The following SSBP2 variants were observed in gnomAD, a reference collection of about 807,000 sequenced individuals.
SSBP2 encodes single-stranded DNA-binding protein 2.
Under a neutral mutation model 61.8 loss-of-function variants are expected in SSBP2, and 17 were observed. The ratio of observed to expected loss-of-function variants is 0.28; its 90% confidence interval spans 0.19 to 0.41. SSBP2 has a LOEUF of 0.41. SSBP2 is among the 10% of genes least tolerant of loss of function. The probability of loss-of-function intolerance (pLI) is 1.00; values close to 1 mark genes in which losing one functional copy is unlikely to be tolerated. For missense variants in SSBP2, 310 were observed against 458.7 expected (o/e 0.68, Z 2.96); for synonymous variants, 139 against 141.3 (o/e 0.98, Z 0.12).
At chr5:81,629,351 G>A (rs1418480671) in intron 3 of SSBP2, among the ~76,000 whole-genome samples, 1 of 152,142 alleles carries the variant, frequency 6.6e-6, no homozygotes, top group African/African-American at 2.4e-5. Context: ...ATCACATCAG[G>A]GACCTGGTTT....
At chr5:81,625,634 T>C (rs1329952233) in intron 3 of SSBP2, among the ~76,000 whole-genome samples, 2 of 152,150 alleles carry the variant, frequency 1.3e-5, no homozygotes, top group Non-Finnish European at 2.9e-5. Flanking sequence ...CTTCCCCTCA[T>C]AAATCAAGAG....
intron 4 of SSBP2, among the ~76,000 whole-genome samples, chr5:81,593,799 T>G (rs1029254033): frequency 5.9e-5 from 9 of 152,134 alleles, no homozygotes; most frequent in South Asian, 2.1e-4. Context: ...ACTGAGAGAT[T>G]TTGTCACCAC....
chr5:81,671,759 T>A (rs1751594434), intron 1 of SSBP2, among the ~76,000 whole-genome samples: 1 of 152,014 alleles, frequency 6.6e-6, no homozygotes, highest in Non-Finnish European at 1.5e-5. Context: ...TAATTAAAAT[T>A]AAGATCAATA....
chr5:81,488,039 AT>A (rs1766539713), intron 6 of SSBP2, among the ~76,000 whole-genome samples: 2 of 37,144 alleles, frequency 5.4e-5, no homozygotes, highest in Non-Finnish European at 8.5e-5. Context: ...ATATATATAT[AT>A]ATATATATAT....
intron 5 of SSBP2, among the ~76,000 whole-genome samples, chr5:81,501,848 C>A (rs1767815046): frequency 6.6e-6 from 1 of 151,866 alleles, no homozygotes; most frequent in African/African-American, 2.4e-5. Flanking sequence ...CAGACGTGAG[C>A]CACTGCGCCC....
chr5:81,440,759 A>C, intron 13 of SSBP2, 123 bp from the exon 14 acceptor site: 1 of 654,414 alleles, frequency 1.5e-6, no homozygotes, highest in Non-Finnish European at 2.5e-6. Context: ...AGCTATGGAG[A>C]TCTTTTACTT....
At chr5:81,707,487 T>C (rs965664293) in intron 1 of SSBP2, among the ~76,000 whole-genome samples, 2 of 152,134 alleles carry the variant, frequency 1.3e-5, no homozygotes, top group Non-Finnish European at 2.9e-5. Flanking sequence ...AGTTCATCTA[T>C]AAGGCAAGGA....
intron 1 of SSBP2, among the ~76,000 whole-genome samples, chr5:81,734,881 T>G (rs447132): frequency 0.68 from 101,560 of 149,530 alleles, 34,524 homozygotes; most frequent in Middle Eastern, 0.77. Flanking sequence ...TGAGGCAGGA[T>G]AATGGTGTGA....
intron 1 of SSBP2, among the ~76,000 whole-genome samples, chr5:81,729,523 T>C (rs1756114716): frequency 6.6e-6 from 1 of 152,072 alleles, no homozygotes; most frequent in African/African-American, 2.4e-5. Flanking sequence ...TGAATGTCAA[T>C]TAAACAGCAG....
chr5:81,483,188 T>C (rs1160798863), intron 6 of SSBP2, among the ~76,000 whole-genome samples: 1 of 151,938 alleles, frequency 6.6e-6, no homozygotes, highest in Admixed American at 6.6e-5. Flanking sequence ...AATGAAAAAA[T>C]TTTAATATGA....
At position 81,592,437 on chromosome 5, in the gene SSBP2, G is replaced by A. The variant is rs553372989; in HGVS notation, c.282+23036C>T. 5.3e-3 allele frequency among the ~76,000 whole-genome samples: 800 copies of A among 151,944 alleles called. 9 individuals carry two copies. Among genetic ancestry groups the A allele is most frequent in the African/African-American group, 0.018 (742 of 41,194 alleles). On this transcript the variant is annotated intron_variant, in intron 4 of 16. Coordinates refer to ENST00000320672, the MANE Select transcript of SSBP2 (RefSeq NM_012446.5). ...GGGCAGGGCACAGACAAACAAAAAG[G>A]CAGCAGTAACCTCTGCAGACTTAAA...
intron 4 of SSBP2, among the ~76,000 whole-genome samples, chr5:81,590,949 C>T (rs192156539): frequency 1.3e-3 from 200 of 152,212 alleles, no homozygotes; most frequent in African/African-American, 4.1e-3. Context: ...ACCCCTGAGA[C>T]GCAGGGAAAC....
intron 1 of SSBP2, among the ~76,000 whole-genome samples, chr5:81,735,061 C>A (rs1046989187): frequency 6.6e-6 from 1 of 151,554 alleles, no homozygotes; most frequent in Non-Finnish European, 1.5e-5. Context: ...ATTAAGCATG[C>A]TAAATTAATG....
chr5:81,622,971 A>G (rs1746755883), intron 3 of SSBP2, among the ~76,000 whole-genome samples: 1 of 152,252 alleles, frequency 6.6e-6, no homozygotes, highest in Admixed American at 6.5e-5. Flanking sequence ...AAAATAATTT[A>G]AATAAATTTC....
chr5:81,425,612 T>C (rs1761903257), intron 16 of SSBP2, among the ~76,000 whole-genome samples: 1 of 152,190 alleles, frequency 6.6e-6, no homozygotes, highest in Non-Finnish European at 1.5e-5. Context: ...AAAAACTATT[T>C]TTTTTGAACT....
In SSBP2 at chr5:81,500,984, C is replaced by A. The variant is rs1767665792; in HGVS notation, c.373-11675G>T. On this transcript the variant is annotated intron_variant, in intron 5 of 16. Transcript: ENST00000320672. ...ATCCCAGCACTTTGGGAGGCAAAGG[C>A]AGGGAGATCACCTGAGATCAGGAGT... Among the ~76,000 whole-genome samples the A allele has an allele frequency of 2.7e-5, 4 of 150,322 alleles. 1 individual carries two copies. The South Asian group carries it at 8.4e-4, about 32-fold the overall frequency.
At chr5:81,600,529 T>A (rs1436175285) in intron 4 of SSBP2, among the ~76,000 whole-genome samples, 1 of 133,212 alleles carries the variant, frequency 7.5e-6, no homozygotes, top group African/African-American at 2.8e-5. Flanking sequence ...GCCACTGCAC[T>A]CTAACCTGGG....
At chr5:81,634,995 GAT>G (rs1481725238) in intron 3 of SSBP2, among the ~76,000 whole-genome samples, 1 of 152,192 alleles carries the variant, frequency 6.6e-6, no homozygotes, top group African/African-American at 2.4e-5. Context: ...AGAGGGTAGG[GAT>G]GTGTGTGTGT....
chr5:81,600,730 A>G (rs13170372), intron 4 of SSBP2, among the ~76,000 whole-genome samples: 26,144 of 152,048 alleles, frequency 0.17, 2,327 homozygotes, highest in Non-Finnish European at 0.2. Context: ...AAATAATTTG[A>G]TAACAAAAAT....
Sources: allele counts gnomAD v4.1 joint callset (sites outside exome capture counted in the v4.1 genomes callset), GRCh38; gene constraint gnomAD v4.1.1; transcripts MANE v1.5; gene names NCBI Gene and HGNC (gene_info 2026-07-23, HGNC 2026-07-21).